Variants in C9 observed in about 807,000 individuals in gnomAD.
The protein encoded by C9 is complement component C9.
C9 carries 63 observed loss-of-function variants against 65.4 expected under a neutral mutation model. That is an observed-to-expected ratio of 0.96 (90% CI 0.79 to 1.19). The LOEUF (loss-of-function observed/expected upper bound fraction) is 1.19, where lower values mean the gene tolerates loss of function less well. Among genes scored for constraint, C9 ranks in the 50% most tolerant of loss-of-function variants. C9 has a pLI of 0.00. For missense variants in C9, 744 were observed against 670.1 expected, an observed-to-expected ratio of 1.11 and a Z score of -1.22; for synonymous variants, 229 against 227.9, an observed-to-expected ratio of 1.00 and a Z score of -0.04.
intron 10 of C9, among the ~76,000 whole-genome samples, chr5:39,285,618 C>T (rs914998626): frequency 6.6e-6 from 1 of 151,266 alleles, no homozygotes; most frequent in Non-Finnish European, 1.5e-5. Context: ...ATTCAAAAAA[C>T]AAAAAACCCA....
chr5:39,297,143 TAGA>T (rs943245046), intron 9 of C9, among the ~76,000 whole-genome samples: 1 of 151,520 alleles, frequency 6.6e-6, no homozygotes, highest in Non-Finnish European at 1.5e-5. Context: ...TTCAGGTATC[TAGA>T]AGAAGAATAT....
intron 5 of C9, among the ~76,000 whole-genome samples, chr5:39,318,339 T>A (rs1411045141): frequency 6.6e-6 from 1 of 152,206 alleles, no homozygotes; most frequent in Admixed American, 6.5e-5. Flanking sequence ...CGTATTTGAA[T>A]ACCCTTTATT....
At chr5:39,295,877 T>C (rs553151758) in intron 9 of C9, among the ~76,000 whole-genome samples, 121 of 151,740 alleles carry the variant, frequency 8.0e-4, no homozygotes, top group African/African-American at 2.7e-3. Flanking sequence ...GAAATTAATA[T>C]ATCTATCTAC....
chr5:39,358,923 T>C (rs835215), intron 1 of C9, among the ~76,000 whole-genome samples: 53,363 of 149,920 alleles, frequency 0.36, 10,009 homozygotes, highest in Middle Eastern at 0.49. Flanking sequence ...AGGCGGAGCT[T>C]ACAGGGAGCC....
chr5:39,322,754 C>T (rs10060516), intron 5 of C9, among the ~76,000 whole-genome samples: 4,488 of 152,192 alleles, frequency 0.029, 200 homozygotes, highest in African/African-American at 0.1. Flanking sequence ...TTGTACTGAA[C>T]ATGTACAAAC....
intron 1 of C9, among the ~76,000 whole-genome samples, chr5:39,351,726 TG>T (rs1441190333): frequency 6.6e-6 from 1 of 152,188 alleles, no homozygotes; most frequent in Non-Finnish European, 1.5e-5. Flanking sequence ...CATCTCAGCC[TG>T]GATTTCATTG....
chr5:39,310,235 C>T (rs1023708078), intron 7 of C9, among the ~76,000 whole-genome samples: 8 of 152,080 alleles, frequency 5.3e-5, no homozygotes, highest in Non-Finnish European at 1.0e-4. Context: ...TCACTTAACA[C>T]CTGATACCTT....
At chr5:39,346,788 C>G in intron 1 of C9, among the ~76,000 whole-genome samples, 1 of 152,176 alleles carries the variant, frequency 6.6e-6, no homozygotes, top group Non-Finnish European at 1.5e-5. Flanking sequence ...TACTGGCAAA[C>G]CGAATCCAGC....
intron 9 of C9, among the ~76,000 whole-genome samples, chr5:39,305,333 TA>T (rs1238287832): frequency 6.6e-6 from 1 of 152,184 alleles, no homozygotes; most frequent in Non-Finnish European, 1.5e-5. Flanking sequence ...GAATAGATTA[TA>T]AAAATTTTCA....
At position 39,288,707 on chromosome 5, in the gene C9, A is replaced by G. The variant is rs188064532; in HGVS notation, c.1645+16T>C. The G allele has an allele frequency of 6.1e-6, 9 of 1,466,766 alleles. No homozygotes were observed. The highest frequency in any genetic ancestry group is 8.6e-6 in the Non-Finnish European group (9 of 1,046,538). 90.9% of individuals were successfully genotyped at this position (1,466,766 alleles called of 1,614,324 possible). Reference sequence around the variant, plus strand: ...CATATTTTTGTCTTTAATCACATCAAATAAATTGTCCTCACCTTCAGAAAT... The same window carrying G: ...CATATTTTTGTCTTTAATCACATCAGATAAATTGTCCTCACCTTCAGAAAT... On this transcript the variant is annotated intron_variant, in intron 10 of 10. Transcript: ENST00000263408.
chr5:39,308,385 A>G lies in C9; in HGVS notation c.1112-27T>C, dbSNP rs764821712. Reference sequence around the variant, plus strand: ...TGTTTAATGAATTTATTTGAAAATTATTAGATAATGTCTACCAACATCACA... The same window carrying G: ...TGTTTAATGAATTTATTTGAAAATTGTTAGATAATGTCTACCAACATCACA... On this transcript the variant is annotated intron_variant, in intron 7 of 10. Coordinates refer to ENST00000263408, the MANE Select transcript of C9 (RefSeq NM_001737.5). 3.3e-6 allele frequency: 5 copies of G among 1,531,862 alleles called. No individual in the cohort carries two copies. The Admixed American group carries it at 6.7e-5, about 20-fold the overall frequency. 94.9% of individuals were successfully genotyped at this position (1,531,862 alleles called of 1,614,324 possible).
intron 4 of C9, among the ~76,000 whole-genome samples, chr5:39,333,843 A>C (rs552463706): frequency 3.9e-4 from 60 of 152,162 alleles, no homozygotes; most frequent in Admixed American, 3.2e-3. Context: ...CCAGCTCCTA[A>C]CCGCGAGTGA....
In C9 at chr5:39,341,668, T is replaced by C. The variant is rs891095307; in HGVS notation, c.216A>G (p.Gln72=). ...CGTCGGTGCATCTTTTCCCATTAAATTGTCCAAAGACCTCAATGCTTCTTG... is the reference window on the plus strand; with the variant it reads ...CGTCGGTGCATCTTTTCCCATTAAACTGTCCAAAGACCTCAATGCTTCTTG... ...FRSRSIEVFG[Q]FNGKRCTDAV... is the part of the protein sequence containing the mutation. Residue 72 remains glutamine, a synonymous_variant, in exon 3 of 11, where the codon CAA becomes CAG. Coordinates refer to ENST00000263408, the MANE Select transcript of C9 (RefSeq NM_001737.5). 1 of 1,614,042 alleles carries C rather than the reference T, an allele frequency of 6.2e-7. No homozygotes were observed. The highest frequency in any genetic ancestry group is 1.3e-5 in the African/African-American group (1 of 75,046).
At chr5:39,323,986 A>T (rs1753706510) in intron 5 of C9, among the ~76,000 whole-genome samples, 1 of 152,216 alleles carries the variant, frequency 6.6e-6, no homozygotes, top group African/African-American at 2.4e-5. Context: ...ATACAAAATC[A>T]ACATGCAAAA....
At chr5:39,308,022 G>A (rs959535910) in intron 8 of C9, among the ~76,000 whole-genome samples, 1 of 152,174 alleles carries the variant, frequency 6.6e-6, no homozygotes, top group Non-Finnish European at 1.5e-5. Flanking sequence ...CTTGAGTTGT[G>A]TACTGTACAA....
intron 1 of C9, among the ~76,000 whole-genome samples, chr5:39,354,357 G>A (rs1290438926): frequency 6.6e-6 from 1 of 152,182 alleles, no homozygotes; most frequent in African/African-American, 2.4e-5. Context: ...AATAGGAATT[G>A]TAAAATTGTG....
At position 39,284,235 on chromosome 5, in the gene C9, T is replaced by C. The variant is rs1579831512; in HGVS notation, c.*964A>G. On this transcript the variant is annotated 3_prime_UTR_variant, in exon 11 of 11. Coordinates refer to ENST00000263408, the MANE Select transcript of C9 (RefSeq NM_001737.5). Reference sequence around the variant, plus strand: ...AGCATTTATTAATTCTCATTTTGCATTTTTTTATTTTGATATATTTTTCCT... The same window carrying C: ...AGCATTTATTAATTCTCATTTTGCACTTTTTTATTTTGATATATTTTTCCT... 6.6e-6 allele frequency: 1 copy of C among 152,258 alleles called. No homozygotes were observed. Among genetic ancestry groups the C allele is most frequent in the East Asian group, 1.9e-4 (1 of 5,186 alleles). The allele number at this position is 152,258 out of a possible 1,614,324, so 9.4% of individuals were successfully genotyped here.
At chr5:39,331,916 C>T (rs879446850) in intron 4 of C9, 102 bp from the exon 5 acceptor site, 57 of 961,460 alleles carry the variant, frequency 5.9e-5, no homozygotes, top group Non-Finnish European at 8.6e-5. Context: ...TTCATGTCAC[C>T]GTCACCCAAT....
At chr5:39,334,215 C>T (rs1340639978) in intron 4 of C9, among the ~76,000 whole-genome samples, 1 of 151,656 alleles carries the variant, frequency 6.6e-6, no homozygotes, top group East Asian at 2.0e-4. Context: ...AGGAGCGTCT[C>T]TGCCCGGCGG....
Sources: allele counts gnomAD v4.1 joint callset (sites outside exome capture counted in the v4.1 genomes callset), GRCh38; gene constraint gnomAD v4.1.1; transcripts MANE v1.5; gene names NCBI Gene and HGNC (gene_info 2026-07-23, HGNC 2026-07-21).